The following ALS2 variants were observed in gnomAD, a reference collection of about 807,000 sequenced individuals.
ALS2 encodes the protein alsin Rho guanine nucleotide exchange factor ALS2.
In ALS2, 117 loss-of-function variants were observed where a neutral mutation model predicts 203.4. That is an observed-to-expected ratio of 0.58 (90% CI 0.50 to 0.67). The LOEUF (loss-of-function observed/expected upper bound fraction) is 0.67, where lower values mean the gene tolerates loss of function less well. Among genes scored for constraint, ALS2 ranks in the 30% least tolerant of loss-of-function variants. ALS2 has a pLI of 0.00. For synonymous variants in ALS2, 718 were observed against 725.9 expected, an observed-to-expected ratio of 0.99 and a Z score of 0.17; for missense variants, 1,715 against 1,989.4, an observed-to-expected ratio of 0.86 and a Z score of 2.62.
At chr2:201,725,176 T>C (rs1218105626) in intron 20 of ALS2, among the ~76,000 whole-genome samples, 180 bp downstream of exon 20, 1 of 151,866 alleles carries the variant, frequency 6.6e-6, no homozygotes, top group Non-Finnish European at 1.5e-5. Flanking sequence ...AATCCTGCGA[T>C]AGATGAGGGG....
At chr2:201,756,329 C>T (rs964889235) in intron 5 of ALS2, among the ~76,000 whole-genome samples, 1 of 151,424 alleles carries the variant, frequency 6.6e-6, no homozygotes, top group Admixed American at 6.6e-5. Flanking sequence ...TATATATTCA[C>T]ATTAATCATG....
chr2:201,720,327 C>G (rs1690685546), intron 23 of ALS2, among the ~76,000 whole-genome samples: 1 of 151,902 alleles, frequency 6.6e-6, no homozygotes, highest in Non-Finnish European at 1.5e-5. Context: ...GACAAGCAAC[C>G]AATATAATAC....
intron 24 of ALS2, among the ~76,000 whole-genome samples, chr2:201,717,435 C>T (rs1366885919): frequency 6.7e-6 from 1 of 149,896 alleles, no homozygotes; most frequent in Non-Finnish European, 1.5e-5. Context: ...CACCACACTC[C>T]AGCCTGGACG....
At chr2:201,739,235 C>CCAAAAAAAAAAAAAAAA in intron 11 of ALS2, among the ~76,000 whole-genome samples, 1 of 41,080 alleles carries the variant, frequency 2.4e-5, no homozygotes, top group Non-Finnish European at 5.5e-5. Flanking sequence ...GACTGTCTCC[C>CCAAAAAAAAAAAAAAAA]AAAAAAAAAA....
chr2:201,776,039 C>T (rs538803872), intron 1 of ALS2, among the ~76,000 whole-genome samples: 1 of 152,098 alleles, frequency 6.6e-6, no homozygotes, highest in African/African-American at 2.4e-5. Flanking sequence ...CAGACTTCCA[C>T]GCTATAGATT....
At chr2:201,767,573 C>A (rs1694153151) in intron 2 of ALS2, among the ~76,000 whole-genome samples, 190 bp from the exon 3 acceptor site, 1 of 151,878 alleles carries the variant, frequency 6.6e-6, no homozygotes, top group Non-Finnish European at 1.5e-5. Context: ...ATATAAAAGA[C>A]TGAAGGATGT....
intron 23 of ALS2, among the ~76,000 whole-genome samples, chr2:201,718,549 C>T (rs1690555325): frequency 6.6e-6 from 1 of 152,188 alleles, no homozygotes; most frequent in Non-Finnish European, 1.5e-5. Flanking sequence ...GCATGAGCTA[C>T]CACGCCCAGC....
chr2:201,729,898 A>G lies in ALS2; in HGVS notation c.2581-715T>C, dbSNP rs1175302072. Reference sequence around the variant, plus strand: ...CCGTCTCAAAAAAAAAAAAAAAAAAAAAAAACAACTTTTTTTGTGAGAAAA... The same window carrying G: ...CCGTCTCAAAAAAAAAAAAAAAAAAGAAAAACAACTTTTTTTGTGAGAAAA... On this transcript the variant is annotated intron_variant, in intron 13 of 33. Coordinates refer to ENST00000264276, the MANE Select transcript of ALS2 (RefSeq NM_020919.4). 6.0e-5 allele frequency among the ~76,000 whole-genome samples: 9 copies of G among 151,124 alleles called. No homozygotes were observed. In the East Asian group the frequency reaches 1.7e-3, roughly 29 times the overall value.
chr2:201,747,892 G>T (rs1692776260), intron 8 of ALS2, among the ~76,000 whole-genome samples: 1 of 152,198 alleles, frequency 6.6e-6, no homozygotes, highest in Admixed American at 6.5e-5. Flanking sequence ...AGGTGCCAGG[G>T]CTCTAGGCCC....
intron 29 of ALS2, among the ~76,000 whole-genome samples, chr2:201,705,838 A>G (rs1394308937): frequency 6.6e-6 from 1 of 152,186 alleles, no homozygotes; most frequent in Non-Finnish European, 1.5e-5. Context: ...AATCCCAGCT[A>G]GCTGGGAGGC....
chr2:201,768,053 G>A (rs1010399407), intron 2 of ALS2, among the ~76,000 whole-genome samples: 10 of 152,084 alleles, frequency 6.6e-5, no homozygotes, highest in Admixed American at 2.0e-4. Context: ...ACATGCCCAA[G>A]TTGAAGTCTT....
chr2:201,749,584 T>C (rs1021592544), intron 8 of ALS2, 128 bp downstream of exon 8: 10 of 940,778 alleles, frequency 1.1e-5, no homozygotes, highest in Non-Finnish European at 1.6e-5. Context: ...AATTTTCTTA[T>C]GAAAACCAAA....
At chr2:201,773,813 A>G (rs909321028) in intron 1 of ALS2, among the ~76,000 whole-genome samples, 1 of 152,212 alleles carries the variant, frequency 6.6e-6, no homozygotes, top group Non-Finnish European at 1.5e-5. Flanking sequence ...TCGGACAAAG[A>G]GGACTGAGAC....
chr2:201,727,007 CT>C, intron 17 of ALS2, 141 bp from the exon 18 acceptor site: 2 of 879,954 alleles, frequency 2.3e-6, no homozygotes, highest in Non-Finnish European at 1.8e-6. Flanking sequence ...TTGACTGGCT[CT>C]TGTATTTCTC....
chr2:201,726,087 T>A (rs1197143610), intron 19 of ALS2, among the ~76,000 whole-genome samples: 1 of 152,152 alleles, frequency 6.6e-6, no homozygotes, highest in Non-Finnish European at 1.5e-5. Context: ...CTTTAACAGA[T>A]CACAGAAATT....
intron 15 of ALS2, among the ~76,000 whole-genome samples, 179 bp from the exon 16 acceptor site, chr2:201,727,954 G>C (rs1646687911): frequency 6.6e-6 from 1 of 152,064 alleles, no homozygotes; most frequent in Admixed American, 6.5e-5. Context: ...CCATAACACA[G>C]CTAACCCAAA....
At chr2:201,744,237 A>G in intron 10 of ALS2, 21 bp downstream of exon 10, 3 of 1,607,002 alleles carry the variant, frequency 1.9e-6, no homozygotes, top group Non-Finnish European at 2.6e-6. Context: ...TAATGGTGGG[A>G]GAGAGGGGGT....
At chr2:201,716,656 A>T (rs1352407779) in intron 24 of ALS2, 1 of 150,774 alleles carries the variant, frequency 6.6e-6, no homozygotes, top group Non-Finnish European at 1.5e-5. Flanking sequence ...TGCAGGTTGC[A>T]GTGAGCTGAG....
At chr2:201,766,453 C>A (rs1162071925) in intron 3 of ALS2, among the ~76,000 whole-genome samples, 3 of 151,660 alleles carry the variant, frequency 2.0e-5, no homozygotes, top group Non-Finnish European at 4.4e-5. Context: ...CAAGACCAGC[C>A]TGGCCAACAT....
Sources: allele counts gnomAD v4.1 joint callset (sites outside exome capture counted in the v4.1 genomes callset), GRCh38; gene constraint gnomAD v4.1.1; transcripts MANE v1.5; gene names NCBI Gene and HGNC (gene_info 2026-07-23, HGNC 2026-07-21).